RCCD1: variants seen among roughly 807,000 people sequenced by gnomAD.
The protein encoded by RCCD1 is RCC1 domain-containing protein 1.
RCCD1 carries 40 observed loss-of-function variants against 37.6 expected under a neutral mutation model. The observed-to-expected ratio is 1.06, with a 90% CI of 0.83 to 1.39. RCCD1 has a LOEUF of 1.39. RCCD1 is among the 40% of genes most tolerant of loss of function. RCCD1 has a pLI of 0.00. For missense variants in RCCD1, 577 were observed against 517.3 expected (o/e 1.12, Z -1.12); for synonymous variants, 263 against 230.0 (o/e 1.14, Z -1.30).
At chr15:90,960,867 C>T (rs929455454) in intron 6 of RCCD1, 158 bp from the exon 7 acceptor site, 21 of 764,640 alleles carry the variant, frequency 2.7e-5, no homozygotes, top group East Asian at 7.7e-5. Flanking sequence ...TGCCATGCCA[C>T]GTGTGATCAG....
chr15:90,961,816 G>C lies in RCCD1; in HGVS notation c.*47G>C. 1 of 1,577,448 alleles carries C rather than the reference G, an allele frequency of 6.3e-7. No homozygotes were observed. Among genetic ancestry groups the C allele is most frequent in the Non-Finnish European group, 8.6e-7 (1 of 1,158,658 alleles). On this transcript the variant is annotated 3_prime_UTR_variant, in exon 8 of 8. Coordinates refer to ENST00000394258, the MANE Select transcript of RCCD1 (RefSeq NM_001017919.2). ...GCAACACCTGTGAGACCCCCATTCA[G>C]GTCAAGGAAAACCATTGCCTGCACC...
chr15:90,959,527 T>A (rs1236847024), intron 4 of RCCD1, among the ~76,000 whole-genome samples: 1 of 152,212 alleles, frequency 6.6e-6, no homozygotes, highest in Non-Finnish European at 1.5e-5. Context: ...GCTCAAGTGA[T>A]CTACCCATCT....
rs141767992 is a variant in RCCD1 at position 90,960,349 on chromosome 15, G to A, written c.800G>A (p.Gly267Asp). The A allele has an allele frequency of 5.6e-6, 9 of 1,611,002 alleles. No individual in the cohort carries two copies. The African/African-American group carries it at 1.2e-4, about 22-fold the overall frequency. Reference sequence around the variant, plus strand: ...GAAGCCACAGAACTGAATGAAGATGGTTCTCAGGTGAAGAGAACGGGTGGG... The same window carrying A: ...GAAGCCACAGAACTGAATGAAGATGATTCTCAGGTGAAGAGAACGGGTGGG... ...AREATELNED[G>D]SQVKRTGGAE... Residue 267 changes from glycine (G) to aspartate (D), a missense_variant, in exon 6 of 8, where the codon GGT becomes GAT. Coordinates refer to ENST00000394258, the MANE Select transcript of RCCD1 (RefSeq NM_001017919.2).
At chr15:90,961,160 G>T (rs1039672187) in intron 7 of RCCD1, 106 bp downstream of exon 7, 1 of 1,137,664 alleles carries the variant, frequency 8.8e-7, no homozygotes. Context: ...CAGGGGCCTC[G>T]GCCAGGTCAC....
At position 90,960,820 on chromosome 15, in the gene RCCD1, C is replaced by T. The variant is rs553581321; in HGVS notation, c.950-205C>T. Reference sequence around the variant, plus strand: ...GACTGCGGCGCTCGGTAGCATGGCACACAGGAAGATCCGCCACTTTTTCCC... The same window carrying T: ...GACTGCGGCGCTCGGTAGCATGGCATACAGGAAGATCCGCCACTTTTTCCC... On this transcript the variant is annotated intron_variant, in intron 6 of 7. Transcript: ENST00000394258. The T allele has an allele frequency of 1.0e-5, 7 of 669,838 alleles. No individual in the cohort carries two copies. In the East Asian group the frequency reaches 1.4e-4, roughly 13 times the overall value. The allele number at this position is 669,838 out of a possible 1,614,324, so 41.5% of individuals were successfully genotyped here. A position where few individuals can be genotyped will look rare whatever the true frequency, so the allele number is the denominator to read the frequency against.
intron 7 of RCCD1, 127 bp downstream of exon 7, chr15:90,961,181 A>C: frequency 1.1e-6 from 1 of 871,872 alleles, no homozygotes; most frequent in Non-Finnish European, 1.8e-6. Flanking sequence ...TGGGAGGAAC[A>C]GGACTGCTCC....
chr15:90,961,524 C>T (rs1596255591), intron 7 of RCCD1, 94 bp from the exon 8 acceptor site: 1 of 1,386,792 alleles, frequency 7.2e-7, no homozygotes, highest in Non-Finnish European at 9.8e-7. Flanking sequence ...GGCATAATCC[C>T]AGCACTTCAT....
intron 7 of RCCD1, 145 bp from the exon 8 acceptor site, chr15:90,961,473 G>A: frequency 1.1e-6 from 1 of 936,354 alleles, no homozygotes; most frequent in African/African-American, 1.7e-5. Context: ...GGATCCCCAA[G>A]GTTGCCTGGC....
chr15:90,958,313 C>A (rs1265180202), intron 4 of RCCD1, among the ~76,000 whole-genome samples: 2 of 152,186 alleles, frequency 1.3e-5, no homozygotes, highest in Non-Finnish European at 2.9e-5. Context: ...CTACGTAGAT[C>A]ACCTGGAAGC....
In RCCD1 at chr15:90,956,875, C is replaced by A; in HGVS notation, c.141C>A (p.Ser47Arg). ...AGVDICRVSA[S>R]WSYTAFVTRG... ...TCGACATCTGCCGCGTGAGCGCGAG[C>A]TGGAGCTACACCGCTTTCGTGACCC... Residue 47 changes from serine to arginine, a missense_variant, in exon 2 of 8, where the codon AGC becomes AGA. By Grantham distance (110) the Ser-to-Arg change is moderately radical. Transcript: ENST00000394258. The A allele has an allele frequency of 7.7e-7, 1 of 1,291,218 alleles. No individual in the cohort carries two copies. The highest frequency in any genetic ancestry group is 9.8e-7 in the Non-Finnish European group (1 of 1,019,432). 80.0% of individuals were successfully genotyped at this position (1,291,218 alleles called of 1,614,324 possible).
In RCCD1 at chr15:90,956,594, A is replaced by G. The variant is rs146775486; in HGVS notation, c.-123-18A>G. ...CTGCCTTTGTGGTCGGGAGAATGATAGTTTCTCCATTTTACAGATAAGGCA... is the reference window on the plus strand; with the variant it reads ...CTGCCTTTGTGGTCGGGAGAATGATGGTTTCTCCATTTTACAGATAAGGCA... On this transcript the variant is annotated intron_variant, in intron 1 of 7. Transcript: ENST00000394258. 22 of 784,436 alleles carry G rather than the reference A, an allele frequency of 2.8e-5. No homozygotes were observed. In the African/African-American group the frequency reaches 3.4e-4, roughly 12 times the overall value. 48.6% of individuals were successfully genotyped at this position (784,436 alleles called of 1,614,324 possible).
chr15:90,961,501 C>T (rs2037313295), intron 7 of RCCD1, 117 bp from the exon 8 acceptor site: 2 of 1,224,498 alleles, frequency 1.6e-6, no homozygotes, highest in African/African-American at 3.0e-5. Flanking sequence ...CTCTTGGATT[C>T]ACAGAGCAGT....
chr15:90,959,793 C>A (rs2037276309), intron 4 of RCCD1, 107 bp from the exon 5 acceptor site: 1 of 840,932 alleles, frequency 1.2e-6, no homozygotes, highest in Non-Finnish European at 1.9e-6. Context: ...CTACCTTGGG[C>A]AGGGCAGGCT....
chr15:90,956,745 A>C lies in RCCD1; in HGVS notation c.11A>C (p.Glu4Ala). The C allele has an allele frequency of 2.3e-6, 3 of 1,316,338 alleles. No homozygotes were observed. Among genetic ancestry groups the C allele is most frequent in the Non-Finnish European group, 2.9e-6 (3 of 1,033,256 alleles). 81.5% of individuals were successfully genotyped at this position (1,316,338 alleles called of 1,614,324 possible). MAEERPGAWFGFGF... is the reference protein window; with the variant it reads MAEARPGAWFGFGF... ...GGGCGCTGCTCGGGCATGGCGGAGG[A>C]GCGGCCGGGGGCCTGGTTCGGCTTC... Residue 4 changes from glutamate (E) to alanine (A), a missense_variant, in exon 2 of 8, where the codon GAG becomes GCG. Physicochemically the swap from Glu to Ala is moderately radical, Grantham distance 107. Transcript: ENST00000394258.
At chr15:90,957,820 T>A (rs1010860020) in intron 4 of RCCD1, 95 bp downstream of exon 4, 8 of 1,465,214 alleles carry the variant, frequency 5.5e-6, no homozygotes, top group African/African-American at 1.4e-5. Flanking sequence ...CCAGGCCTCC[T>A]TCCAAATTCA....
At chr15:90,959,346 A>T (rs1372791761) in intron 4 of RCCD1, among the ~76,000 whole-genome samples, 1 of 152,198 alleles carries the variant, frequency 6.6e-6, no homozygotes, top group Non-Finnish European at 1.5e-5. Context: ...TCCAACCAAA[A>T]AGCTCCAGTG....
rs2037280590 is a variant in RCCD1 at position 90,959,960 on chromosome 15, G to A, written c.740G>A (p.Arg247Lys). Reference sequence around the variant, plus strand: ...TCAGGGCAGCTGGCCCTGCCCACCAGGAACCTGGCAGAGGATGGAGAGACT... The same window carrying A: ...TCAGGGCAGCTGGCCCTGCCCACCAAGAACCTGGCAGAGGATGGAGAGACT... ...NESGQLALPT[R>K]NLAEDGETVA... Residue 247 changes from arginine (R) to lysine (K), a missense_variant, in exon 5 of 8, where the codon AGG becomes AAG. Transcript: ENST00000394258. 6.2e-7 allele frequency: 1 copy of A among 1,613,646 alleles called. No homozygotes were observed. The highest frequency in any genetic ancestry group is 8.5e-7 in the Non-Finnish European group (1 of 1,179,916).
Position 90,961,067 on chromosome 15 carries a change from A to G in RCCD1, c.979+13A>G. Reference sequence around the variant, plus strand: ...ACCTGGGGCTGGGGTAAGTAAAAGGATTGTTTTTGTGACCCTGAAACCAAG... The same window carrying G: ...ACCTGGGGCTGGGGTAAGTAAAAGGGTTGTTTTTGTGACCCTGAAACCAAG... On this transcript the variant is annotated intron_variant, in intron 7 of 7. Transcript: ENST00000394258. The G allele has an allele frequency of 6.2e-7, 1 of 1,613,370 alleles. No individual in the cohort carries two copies. The highest frequency in any genetic ancestry group is 2.2e-5 in the East Asian group (1 of 44,846).
intron 6 of RCCD1, 161 bp from the exon 7 acceptor site, chr15:90,960,864 C>T (rs2037300914): frequency 1.3e-6 from 1 of 755,238 alleles, no homozygotes; most frequent in South Asian, 1.5e-5. Context: ...CTCTGCCATG[C>T]CACGTGTGAT....
Sources: allele counts gnomAD v4.1 joint callset (sites outside exome capture counted in the v4.1 genomes callset), GRCh38; gene constraint gnomAD v4.1.1; transcripts MANE v1.5; gene names NCBI Gene and HGNC (gene_info 2026-07-23, HGNC 2026-07-21).